ONECUT1: variants seen among roughly 807,000 people sequenced by gnomAD.
ONECUT1 encodes one cut homeobox 1, also known as hepatocyte nuclear factor 6.
In ONECUT1, 12 loss-of-function variants were observed where a neutral mutation model predicts 25.6. The observed-to-expected ratio is 0.47, with a 90% CI of 0.30 to 0.76. ONECUT1 has a LOEUF of 0.76. Among genes scored for constraint, ONECUT1 ranks in the 30% least tolerant of loss-of-function variants. The pLI is 0.07. For missense variants in ONECUT1, 620 were observed against 651.2 expected, an observed-to-expected ratio of 0.95 and a Z score of 0.52; for synonymous variants, 285 against 270.2, an observed-to-expected ratio of 1.05 and a Z score of -0.54.
At chr15:52,787,113 C>T (rs1453436240) in intron 1 of ONECUT1, 1 of 152,430 alleles carries the variant, frequency 6.6e-6, no homozygotes, top group Non-Finnish European at 1.5e-5. Flanking sequence ...AGATATGGTG[C>T]CGGTAGCACA....
intron 1 of ONECUT1, among the ~76,000 whole-genome samples, chr15:52,768,209 T>C (rs1427229328): frequency 6.6e-6 from 1 of 152,226 alleles, no homozygotes; most frequent in Non-Finnish European, 1.5e-5. Context: ...GTTCCTAACA[T>C]GAAGAAATGA....
At chr15:52,770,382 C>G (rs1400617285) in intron 1 of ONECUT1, among the ~76,000 whole-genome samples, 1 of 152,238 alleles carries the variant, frequency 6.6e-6, no homozygotes, top group East Asian at 1.9e-4. Context: ...TCAGTCTTCT[C>G]AAACTTAAAT....
Position 52,784,140 on chromosome 15 carries a change from C to G in ONECUT1, c.1105+4640G>C, listed in dbSNP as rs761730078. Among the ~76,000 whole-genome samples, 7 of 152,254 alleles carry G rather than the reference C, an allele frequency of 4.6e-5. No individual in the cohort carries two copies. Among genetic ancestry groups the G allele is most frequent in the Middle Eastern group, 6.8e-3 (2 of 292 alleles). On this transcript the variant is annotated intron_variant, in intron 1 of 1. Coordinates refer to ENST00000305901, the MANE Select transcript of ONECUT1 (RefSeq NM_004498.4). This position sits in a 1 kb window ranked among gnomAD's most constrained non-coding sequence, Gnocchi z 5.0. ...AGCCCGGCTACCCCCAGAAAGGGAG[C>G]CGAATGGAGGGAAGCAGGGAGCGCG... is the stretch of plus-strand genomic sequence containing the variant.
rs749905495 is a variant in ONECUT1 at position 52,757,751 on chromosome 15, T to C, written c.1202A>G (p.His401Arg). ...VFTDVQRRTL[H>R]AIFKENKRPS... ...ACGCTTATTTTCCTTGAATATTGCA[T>C]GTAGAGTTCGACGCTGGACATCTGT... is the stretch of plus-strand genomic sequence containing the variant. Residue 401 changes from histidine to arginine, a missense_variant, in exon 2 of 2, where the codon CAT becomes CGT. Around this residue, in one of 4 missense-constraint regions of ONECUT1, gnomAD observed 146 missense variants for 201.8 expected, o/e 0.72. Transcript: ENST00000305901. The C allele has an allele frequency of 1.2e-6, 2 of 1,614,192 alleles. No individual in the cohort carries two copies. The highest frequency in any genetic ancestry group is 1.7e-6 in the Non-Finnish European group (2 of 1,180,028).
At chr15:52,774,657 A>G (rs1432081818) in intron 1 of ONECUT1, among the ~76,000 whole-genome samples, 3 of 152,216 alleles carry the variant, frequency 2.0e-5, no homozygotes, top group Non-Finnish European at 4.4e-5. Context: ...AATAAGATAC[A>G]AGGTGCTTGA....
Position 52,755,359 on chromosome 15 carries a change from A to T in ONECUT1, c.*2196T>A, listed in dbSNP as rs1374642993. On this transcript the variant is annotated 3_prime_UTR_variant, in exon 2 of 2. Coordinates refer to ENST00000305901, the MANE Select transcript of ONECUT1 (RefSeq NM_004498.4). ...AGTAAATCTTGAAGGGTGGCCATTT[A>T]AATGGTCTCTTTCAATAGCTGAACT... Among the ~76,000 whole-genome samples the T allele has an allele frequency of 1.3e-5, 2 of 152,236 alleles. No homozygotes were observed. Among genetic ancestry groups the T allele is most frequent in the African/African-American group, 4.8e-5 (2 of 41,464 alleles).
rs1020434858 is a variant in ONECUT1, at chr15:52,768,763, G to A, written c.1106-10916C>T. Among the ~76,000 whole-genome samples the A allele has an allele frequency of 1.7e-4, 26 of 152,196 alleles. 1 individual carries two copies. The highest frequency in any genetic ancestry group is 1.6e-3 in the Admixed American group (25 of 15,286). ...TTTCTCTAATTAATTTCAAATTAGT[G>A]AAGTTTTCCTTGTTTGCTTTTTTGG... On this transcript the variant is annotated intron_variant, in intron 1 of 1. Coordinates refer to ENST00000305901, the MANE Select transcript of ONECUT1 (RefSeq NM_004498.4).
intron 1 of ONECUT1, among the ~76,000 whole-genome samples, chr15:52,770,554 G>A (rs562247281): frequency 6.6e-6 from 1 of 152,274 alleles, no homozygotes; most frequent in African/African-American, 2.4e-5. Flanking sequence ...CTCCAGTAAA[G>A]GTGTGGCCCA....
intron 1 of ONECUT1, among the ~76,000 whole-genome samples, chr15:52,781,557 C>A (rs760271160): frequency 3.3e-5 from 5 of 152,204 alleles, no homozygotes; most frequent in Non-Finnish European, 7.3e-5. Context: ...GGGCTTTGGA[C>A]TGGGAAAGCT....
Position 52,757,547 on chromosome 15 carries a change from T to C in ONECUT1, c.*8A>G. On this transcript the variant is annotated 3_prime_UTR_variant, in exon 2 of 2. Transcript: ENST00000305901. ...TTTCCACCGAGGTTTTAGTTTGTGG[T>C]TCTTCCTTCATGCTTTGGTACAAGT... is the stretch of plus-strand genomic sequence containing the variant. 2 of 1,596,610 alleles carry C rather than the reference T, an allele frequency of 1.3e-6. No individual in the cohort carries two copies. Among genetic ancestry groups the C allele is most frequent in the Non-Finnish European group, 1.7e-6 (2 of 1,171,756 alleles).
intron 1 of ONECUT1, among the ~76,000 whole-genome samples, chr15:52,771,538 C>G (rs1205337879): frequency 6.7e-6 from 1 of 150,324 alleles, no homozygotes; most frequent in Non-Finnish European, 1.5e-5. Context: ...GTGTTTCTTC[C>G]TAAATGGTGA....
chr15:52,778,640 T>C (rs945527430), intron 1 of ONECUT1, among the ~76,000 whole-genome samples: 2 of 152,212 alleles, frequency 1.3e-5, no homozygotes, highest in African/African-American at 2.4e-5. Context: ...CTGCAGCACT[T>C]TGGGGCCAGA....
intron 1 of ONECUT1, among the ~76,000 whole-genome samples, chr15:52,776,693 G>C (rs1473343367): frequency 6.6e-6 from 1 of 152,162 alleles, no homozygotes; most frequent in Non-Finnish European, 1.5e-5. Flanking sequence ...CCAGATCAGA[G>C]ACTTTGTCGG....
Position 52,788,664 on chromosome 15 carries a change from G to A in ONECUT1, c.1105+116C>T, listed in dbSNP as rs1226298082. On this transcript the variant is annotated intron_variant, in intron 1 of 1. Coordinates refer to ENST00000305901, the MANE Select transcript of ONECUT1 (RefSeq NM_004498.4). The surrounding 1 kb of genome is among the most constrained non-coding windows in gnomAD (Gnocchi z 4.3). ...CAGGCACAGGGAGTCCCCCTTCTAG[G>A]GGTAGGGGCGGGCGGGATGAAGCGC... The A allele has an allele frequency of 2.6e-6, 3 of 1,143,948 alleles. No individual in the cohort carries two copies. Among genetic ancestry groups the A allele is most frequent in the East Asian group, 4.9e-5 (2 of 41,000 alleles). 70.9% of individuals were successfully genotyped at this position (1,143,948 alleles called of 1,614,324 possible).
At chr15:52,781,625 A>G in intron 1 of ONECUT1, among the ~76,000 whole-genome samples, 1 of 152,214 alleles carries the variant, frequency 6.6e-6, no homozygotes, top group Non-Finnish European at 1.5e-5. Flanking sequence ...ATTTAACCTC[A>G]CTGAAGAGAG....
Position 52,757,471 on chromosome 15 carries a change from C to A in ONECUT1, c.*84G>T. The A allele has an allele frequency of 7.2e-7, 1 of 1,379,878 alleles. No individual in the cohort carries two copies. The highest frequency in any genetic ancestry group is 9.9e-7 in the Non-Finnish European group (1 of 1,010,314). The allele number at this position is 1,379,878 out of a possible 1,614,324, so 85.5% of individuals were successfully genotyped here. ...TTCTTCAAATATTTCTAAGTATAAACCTGCTATCTTGAGGTCCTGGTCTTT... is the reference window on the plus strand; with the variant it reads ...TTCTTCAAATATTTCTAAGTATAAAACTGCTATCTTGAGGTCCTGGTCTTT... On this transcript the variant is annotated 3_prime_UTR_variant, in exon 2 of 2. Coordinates refer to ENST00000305901, the MANE Select transcript of ONECUT1 (RefSeq NM_004498.4).
intron 1 of ONECUT1, among the ~76,000 whole-genome samples, chr15:52,777,389 C>T (rs932059909): frequency 6.6e-6 from 1 of 152,142 alleles, no homozygotes; most frequent in Non-Finnish European, 1.5e-5. Flanking sequence ...ATTTGCTCTT[C>T]TAGAGGAATA....
intron 1 of ONECUT1, chr15:52,785,905 A>T (rs2083871655): frequency 6.6e-6 from 1 of 152,206 alleles, no homozygotes; most frequent in Non-Finnish European, 1.5e-5. Flanking sequence ...GAGGGTTTTG[A>T]CCCTCTGCAA....
chr15:52,768,344 T>A (rs138231433), intron 1 of ONECUT1, among the ~76,000 whole-genome samples: 32 of 152,282 alleles, frequency 2.1e-4, no homozygotes, highest in Admixed American at 7.2e-4. Flanking sequence ...TAATTAAAAA[T>A]TAAAACTAAA....
Sources: gnomAD v4.1 joint callset for allele counts (sites outside exome capture counted in the v4.1 genomes callset) on GRCh38, gnomAD v4.1.1 for gene constraint, gnomAD v4.1.1 regional missense constraint, Gnocchi (gnomAD v3.1) non-coding constraint, MANE v1.5 for transcripts, NCBI Gene and HGNC (gene_info 2026-07-23, HGNC 2026-07-21) for gene names.